Variants in ALG11 observed in about 807,000 individuals in gnomAD.
ALG11 encodes the protein ALG11 alpha-1,2-mannosyltransferase.
In ALG11, 26 loss-of-function variants were observed where a neutral mutation model predicts 38.8. The ratio of observed to expected loss-of-function variants is 0.67; its 90% confidence interval spans 0.49 to 0.93. The LOEUF is 0.93. Among genes scored for constraint, ALG11 ranks in the 40% least tolerant of loss-of-function variants. ALG11 has a pLI of 0.00. For missense variants in ALG11, 535 were observed against 578.8 expected (o/e 0.92, Z 0.78); for synonymous variants, 199 against 211.6 (o/e 0.94, Z 0.52).
At chr13:52,023,618 T>G (rs914302008) in intron 2 of ALG11, 1 of 152,204 alleles carries the variant, frequency 6.6e-6, no homozygotes, top group African/African-American at 2.4e-5. Context: ...AAATCAAATC[T>G]TCTTTATAAC....
intron 1 of ALG11, among the ~76,000 whole-genome samples, 179 bp downstream of exon 1, chr13:52,012,641 C>G (rs1301643601): frequency 1.3e-5 from 2 of 152,166 alleles, no homozygotes; most frequent in Non-Finnish European, 2.9e-5. Context: ...CTGGAATAGA[C>G]TAGGTCTTAA....
intron 2 of ALG11, chr13:52,022,941 G>C (rs1489721617): frequency 6.6e-6 from 1 of 152,220 alleles, no homozygotes; most frequent in Non-Finnish European, 1.5e-5. Flanking sequence ...GGGATTACAG[G>C]CGTGAGCCAC....
intron 3 of ALG11, among the ~76,000 whole-genome samples, chr13:52,026,866 A>AT (rs1329101137): frequency 2.6e-5 from 4 of 152,178 alleles, no homozygotes; most frequent in Admixed American, 6.5e-5. Context: ...GCAGGTAGTT[A>AT]TCAAAGCTCC....
chr13:52,023,276 CACTT>C (rs1566704400), intron 2 of ALG11: 1 of 152,146 alleles, frequency 6.6e-6, no homozygotes, highest in Non-Finnish European at 1.5e-5. Flanking sequence ...CATAAATCAA[CACTT>C]ACTGTTGATG....
intron 1 of ALG11, chr13:52,015,996 G>A (rs1240091832): frequency 2.0e-5 from 3 of 153,538 alleles, no homozygotes; most frequent in African/African-American, 7.2e-5. Context: ...GAATGGCTTT[G>A]AACAAAATGC....
At chr13:52,028,142 AAAACTT>A (rs1404116604) in intron 3 of ALG11, among the ~76,000 whole-genome samples, 171 bp from the exon 4 acceptor site, 1 of 152,218 alleles carries the variant, frequency 6.6e-6, no homozygotes, top group Non-Finnish European at 1.5e-5. Context: ...TGAAAACTAA[AAAACTT>A]AAAATTATTT....
intron 2 of ALG11, chr13:52,022,444 A>G (rs1431222166): frequency 6.6e-6 from 1 of 152,186 alleles, no homozygotes; most frequent in African/African-American, 2.4e-5. Context: ...CTTTTTTCAC[A>G]TTTTAAAAGG....
At chr13:52,023,241 T>C (rs1954201307) in intron 2 of ALG11, 1 of 152,212 alleles carries the variant, frequency 6.6e-6, no homozygotes, top group Non-Finnish European at 1.5e-5. Flanking sequence ...CAAAACTTTT[T>C]AGTATTTCTT....
At position 52,012,553 on chromosome 13, in the gene ALG11, C is replaced by T. The variant is rs576350244; in HGVS notation, c.44+91C>T. 16 of 1,550,316 alleles carry T rather than the reference C, an allele frequency of 1.0e-5. No homozygotes were observed. In the African/African-American group the frequency reaches 1.5e-4, roughly 14 times the overall value. On this transcript the variant is annotated intron_variant, in intron 1 of 3. Coordinates refer to ENST00000521508, the MANE Select transcript of ALG11 (RefSeq NM_001004127.3). ...GTAGCTAAATTTTGCGGGCAAATGG[C>T]CTTCCTTGTCATGAATCTAAGGTAA... is the stretch of plus-strand genomic sequence containing the variant.
intron 1 of ALG11, chr13:52,017,280 G>A (rs953384058): frequency 6.6e-6 from 1 of 152,228 alleles, no homozygotes; most frequent in Admixed American, 6.5e-5. Flanking sequence ...CCTTGTCTCG[G>A]ATGAGACTTT....
intron 3 of ALG11, among the ~76,000 whole-genome samples, chr13:52,026,896 G>T (rs573954314): frequency 1.3e-5 from 2 of 152,164 alleles, no homozygotes; most frequent in Non-Finnish European, 2.9e-5. Context: ...GGTTAAGATC[G>T]CCTGGGGAAT....
At position 52,031,444 on chromosome 13, in the gene ALG11, CT is replaced by C; in HGVS notation, c.*2857del. The C allele has an allele frequency of 3.6e-6, 1 of 274,036 alleles. No individual in the cohort carries two copies. Among genetic ancestry groups the C allele is most frequent in the Non-Finnish European group, 7.4e-6 (1 of 135,724 alleles). The allele number at this position is 274,036 out of a possible 1,614,324, so 17.0% of individuals were successfully genotyped here. A position where few individuals can be genotyped will look rare whatever the true frequency, so the allele number is the denominator to read the frequency against. ...AGTCAAGAGGTGGGACTGACTGATGCTTTATAGGTGTGTGTAGGGTGGTAGA... is the reference window on the plus strand; with the variant it reads ...AGTCAAGAGGTGGGACTGACTGATGCTTATAGGTGTGTGTAGGGTGGTAGA... On this transcript the variant is annotated 3_prime_UTR_variant, in exon 4 of 4. Coordinates refer to ENST00000521508, the MANE Select transcript of ALG11 (RefSeq NM_001004127.3).
chr13:52,027,830 T>C (rs1409449960), intron 3 of ALG11, among the ~76,000 whole-genome samples: 2 of 152,270 alleles, frequency 1.3e-5, no homozygotes, highest in Middle Eastern at 3.2e-3. Flanking sequence ...TATATGTTTT[T>C]ACTCCTTTTG....
Position 52,024,812 on chromosome 13 carries a change from C to T in ALG11, c.1082C>T (p.Ser361Phe). 6.2e-7 allele frequency: 1 copy of T among 1,614,092 alleles called. No homozygotes were observed. Among genetic ancestry groups the T allele is most frequent in the East Asian group, 2.2e-5 (1 of 44,886 alleles). Residue 361 changes from serine to phenylalanine, a missense_variant, in exon 3 of 4, where the codon TCT (serine) becomes TTT (phenylalanine). Ser to Phe is a radical substitution (Grantham distance 155, BLOSUM62 -2). Transcript: ENST00000521508. Reference sequence around the variant, plus strand: ...AGGGTAAACCAACTGAGAAGGCTGTCTGAGGATTTAGGAGTTCAAGAATAT... The same window carrying T: ...AGGGTAAACCAACTGAGAAGGCTGTTTGAGGATTTAGGAGTTCAAGAATAT... ...ELRVNQLRRL[S>F]EDLGVQEYVE...
At position 52,029,010 on chromosome 13, in the gene ALG11, A is replaced by G; in HGVS notation, c.*420A>G. Reference sequence around the variant, plus strand: ...GCTGAGAGGTCTGAGGCTAGTCTGAAAGTGTCAGAGTTCAGTGTCAGTTCT... The same window carrying G: ...GCTGAGAGGTCTGAGGCTAGTCTGAGAGTGTCAGAGTTCAGTGTCAGTTCT... On this transcript the variant is annotated 3_prime_UTR_variant, in exon 4 of 4. Coordinates refer to ENST00000521508, the MANE Select transcript of ALG11 (RefSeq NM_001004127.3). The G allele has an allele frequency of 6.2e-7, 1 of 1,614,246 alleles. No homozygotes were observed. Among genetic ancestry groups the G allele is most frequent in the African/African-American group, 1.3e-5 (1 of 75,070 alleles).
chr13:52,022,147 CTTGAGGCCAGGAGT>C (rs1027051704), intron 2 of ALG11: 1 of 152,220 alleles, frequency 6.6e-6, no homozygotes, highest in African/African-American at 2.4e-5. Flanking sequence ...TGGCAGATCA[CTTGAGGCCAGGAGT>C]TTGAGACCAG....
At position 52,019,058 on chromosome 13, in the gene ALG11, G is replaced by C. The variant is rs1419202736; in HGVS notation, c.190G>C (p.Val64Leu). The C allele has an allele frequency of 6.2e-7, 1 of 1,614,018 alleles. No homozygotes were observed. Among genetic ancestry groups the C allele is most frequent in the African/African-American group, 1.3e-5 (1 of 74,996 alleles). ...TAGCAAAAATGGGAAAAATCAAATG[G>C]TGATTGCATTTTTTCATCCATACTG... ...STSKNGKNQM[V>L]IAFFHPYCNA... Residue 64 changes from valine to leucine, a missense_variant, in exon 2 of 4, where the codon GTG (valine) becomes CTG (leucine). Transcript: ENST00000521508.
intron 1 of ALG11, among the ~76,000 whole-genome samples, chr13:52,012,945 C>T (rs1954093016): frequency 6.6e-6 from 1 of 152,150 alleles, no homozygotes; most frequent in Admixed American, 6.5e-5. Flanking sequence ...GTTGAATCCT[C>T]TGCTTTTTGA....
At chr13:52,025,355 T>C (rs1412806768) in intron 3 of ALG11, among the ~76,000 whole-genome samples, 1 of 152,190 alleles carries the variant, frequency 6.6e-6, no homozygotes, top group Non-Finnish European at 1.5e-5. Context: ...TCTCTCCATC[T>C]AACCCCACTA....
Sources: gnomAD v4.1 joint callset for allele counts (sites outside exome capture counted in the v4.1 genomes callset) on GRCh38, gnomAD v4.1.1 for gene constraint, MANE v1.5 for transcripts, NCBI Gene and HGNC (gene_info 2026-07-23, HGNC 2026-07-21) for gene names.